Variants in JAK1 observed in about 807,000 individuals in gnomAD.
JAK1 encodes Janus kinase 1.
Under a neutral mutation model 136.6 loss-of-function variants are expected in JAK1, and 16 were observed. The observed-to-expected ratio is 0.12, with a 90% CI of 0.08 to 0.18. The LOEUF (loss-of-function observed/expected upper bound fraction) is 0.18, where lower values mean the gene tolerates loss of function less well. Among genes scored for constraint, JAK1 ranks in the 10% least tolerant of loss-of-function variants. JAK1 has a pLI of 1.00. For missense variants in JAK1, 859 were observed against 1,450.1 expected, an observed-to-expected ratio of 0.59 and a Z score of 6.62; for synonymous variants, 492 against 519.5, an observed-to-expected ratio of 0.95 and a Z score of 0.72.
intron 2 of JAK1, among the ~76,000 whole-genome samples, chr1:64,986,241 C>T (rs1310170589): frequency 1.3e-5 from 2 of 151,750 alleles, no homozygotes; most frequent in African/African-American, 2.4e-5. Flanking sequence ...AAATAGCTGG[C>T]ATTATAGGTG....
rs1381122417 is a variant in JAK1, at chr1:65,030,887, C to T, written c.-78+13593G>A. The stretch of plus-strand genomic sequence containing the variant: ...GAAAAAACGGTGGCCAGTGCAGTGG[C>T]TCATGCATGTGGTCCCAGGACTTTG... On this transcript the variant is annotated intron_variant, in intron 2 of 25. Coordinates refer to the JAK1 transcript ENST00000671954. 3.3e-5 allele frequency among the ~76,000 whole-genome samples: 5 copies of T among 152,164 alleles called. No homozygotes were observed. In the East Asian group the frequency reaches 7.8e-4, roughly 24 times the overall value.
At chr1:64,853,175 T>A (rs1329423767) in intron 11 of JAK1, among the ~76,000 whole-genome samples, 1 of 152,212 alleles carries the variant, frequency 6.6e-6, no homozygotes, top group Non-Finnish European at 1.5e-5. Context: ...ATTTTCACGA[T>A]TTCCCCACTT....
intron 2 of JAK1, among the ~76,000 whole-genome samples, chr1:64,995,806 T>C (rs1039303447): frequency 4.6e-5 from 7 of 152,160 alleles, no homozygotes; most frequent in Non-Finnish European, 7.3e-5. Flanking sequence ...GGCATGATCA[T>C]GGCTCACTGC....
chr1:65,010,304 G>A (rs529800191), intron 2 of JAK1, among the ~76,000 whole-genome samples: 3 of 152,122 alleles, frequency 2.0e-5, no homozygotes, highest in Non-Finnish European at 4.4e-5. Context: ...TCTCTCGCAC[G>A]CTCATTCTCT....
At chr1:65,023,790 C>A (rs898086119) in intron 2 of JAK1, among the ~76,000 whole-genome samples, 21 of 152,172 alleles carry the variant, frequency 1.4e-4, no homozygotes, top group Admixed American at 1.4e-3. Context: ...GCTGAGGGAA[C>A]CACTTTCTAA....
intron 2 of JAK1, among the ~76,000 whole-genome samples, chr1:65,028,765 C>T (rs1423367189): frequency 6.6e-6 from 1 of 152,140 alleles, no homozygotes; most frequent in Non-Finnish European, 1.5e-5. Flanking sequence ...TTTAATCCTC[C>T]CAATAGCACT....
chr1:65,047,501 A>G (rs939804065), intron 1 of JAK1, among the ~76,000 whole-genome samples: 5 of 152,114 alleles, frequency 3.3e-5, no homozygotes, highest in Non-Finnish European at 7.4e-5. Flanking sequence ...GGCAAATCAC[A>G]AGGTCAGGAG....
rs184347129 is a variant in JAK1 at position 65,014,979 on chromosome 1, C to G, written c.-78+29501G>C. Among the ~76,000 whole-genome samples the G allele has an allele frequency of 1.2e-4, 18 of 152,198 alleles. 1 individual carries two copies. Among genetic ancestry groups the G allele is most frequent in the African/African-American group, 3.9e-4 (16 of 41,538 alleles). On this transcript the variant is annotated intron_variant, in intron 2 of 25. Transcript: ENST00000671954. ...GGATTACAGGCTTGAGCCACCGCGCCCGGCCCATATTATTCTATTCTTAGT... is the reference window on the plus strand; with the variant it reads ...GGATTACAGGCTTGAGCCACCGCGCGCGGCCCATATTATTCTATTCTTAGT...
chr1:64,866,790 G>T, intron 7 of JAK1, 76 bp downstream of exon 7: 1 of 1,054,858 alleles, frequency 9.5e-7, no homozygotes, highest in South Asian at 1.5e-5. Context: ...GCAGACAGAT[G>T]ACTCCAGAAG....
chr1:64,847,962 A>C, intron 12 of JAK1: 2 of 351,102 alleles, frequency 5.7e-6, no homozygotes, highest in Non-Finnish European at 1.0e-5. Context: ...CAGTCCTAAC[A>C]TGTCAGGACA....
intron 1 of JAK1, among the ~76,000 whole-genome samples, chr1:64,938,805 T>C (rs1198047414): frequency 6.6e-6 from 1 of 152,226 alleles, no homozygotes; most frequent in African/African-American, 2.4e-5. Context: ...AAGGATATGA[T>C]GTGGGTAGAG....
At chr1:65,018,487 A>AGAACAC (rs1394294153) in intron 2 of JAK1, among the ~76,000 whole-genome samples, 50 of 96,052 alleles carry the variant, frequency 5.2e-4, no homozygotes, top group African/African-American at 2.6e-3. Context: ...AGAGAGAGAG[A>AGAACAC]ACACACACAC....
chr1:64,977,203 G>A lies in JAK1; in HGVS notation c.-78+67277C>T, dbSNP rs565645797. On this transcript the variant is annotated intron_variant, in intron 2 of 25. Transcript: ENST00000671954. ...CTCCCTCTGTCGCCCAAGCTGGAGT[G>A]TAGTGGCACAACCACAGCTCACTCC... Among the ~76,000 whole-genome samples the A allele has an allele frequency of 8.5e-5, 13 of 152,234 alleles. No individual in the cohort carries two copies. In the East Asian group the frequency reaches 2.3e-3, roughly 27 times the overall value.
At chr1:64,891,224 T>C (rs964563042) in intron 1 of JAK1, among the ~76,000 whole-genome samples, 22 of 152,018 alleles carry the variant, frequency 1.4e-4, no homozygotes, top group Non-Finnish European at 2.2e-4. Context: ...ATAAAAAGCA[T>C]GAGAGGTTTT....
At chr1:64,929,086 G>A (rs1415501732) in intron 1 of JAK1, among the ~76,000 whole-genome samples, 1 of 152,204 alleles carries the variant, frequency 6.6e-6, no homozygotes, top group African/African-American at 2.4e-5. Context: ...CCTTAAAACT[G>A]TTCAAGCAAG....
At chr1:64,966,054 G>A (rs1367434998) in intron 1 of JAK1, among the ~76,000 whole-genome samples, 2 of 151,202 alleles carry the variant, frequency 1.3e-5, no homozygotes, top group African/African-American at 4.9e-5. Flanking sequence ...CTTGCCGTGC[G>A]CGCTGGGGGA....
chr1:64,860,733 G>GT (rs1490615545), intron 8 of JAK1, among the ~76,000 whole-genome samples: 1 of 151,966 alleles, frequency 6.6e-6, no homozygotes, highest in Non-Finnish European at 1.5e-5. Context: ...GATTACAGCC[G>GT]TGAGCCACTG....
intron 5 of JAK1, among the ~76,000 whole-genome samples, chr1:64,870,285 A>C (rs575769528): frequency 3.9e-5 from 6 of 152,270 alleles, no homozygotes; most frequent in African/African-American, 1.2e-4. Context: ...CAAAACAGTA[A>C]ACAGCCCCTA....
Position 64,864,991 on chromosome 1 carries a change from G to C in JAK1, c.991-19C>G, listed in dbSNP as rs754337595. On this transcript the variant is annotated intron_variant, in intron 7 of 24. Transcript: ENST00000342505. ...AAACAACCTGATAAGATACATAAAA[G>C]GGACAGGGTTAAGTTGCTTTCTTCA... 4 of 1,596,046 alleles carry C rather than the reference G, an allele frequency of 2.5e-6. No homozygotes were observed. The highest frequency in any genetic ancestry group is 2.2e-5 in the East Asian group (1 of 44,790).
Sources: allele counts gnomAD v4.1 joint callset (sites outside exome capture counted in the v4.1 genomes callset), GRCh38; gene constraint gnomAD v4.1.1; transcripts MANE v1.5; gene names NCBI Gene and HGNC (gene_info 2026-07-23, HGNC 2026-07-21).